Variants in MBOAT2 observed in about 807,000 individuals in gnomAD.
MBOAT2 encodes membrane-bound glycerophospholipid O-acyltransferase 2.
MBOAT2 carries 28 observed loss-of-function variants against 63.4 expected under a neutral mutation model. That is an observed-to-expected ratio of 0.44 (90% confidence interval 0.33 to 0.61). The LOEUF (loss-of-function observed/expected upper bound fraction) is 0.61, where lower values mean the gene tolerates loss of function less well. MBOAT2 is among the 20% of genes least tolerant of loss of function. MBOAT2 has a pLI of 0.03. For missense variants in MBOAT2, 470 were observed against 605.8 expected (o/e 0.78, Z 2.35); for synonymous variants, 211 against 215.6 (o/e 0.98, Z 0.19).
intron 4 of MBOAT2, among the ~76,000 whole-genome samples, chr2:8,903,430 G>A (rs1187601215): frequency 6.6e-6 from 1 of 152,088 alleles, no homozygotes; most frequent in Non-Finnish European, 1.5e-5. Flanking sequence ...GGTTCAGTTA[G>A]CTCTAAGATA....
intron 4 of MBOAT2, among the ~76,000 whole-genome samples, chr2:8,891,147 CT>C (rs1363542841): frequency 6.6e-6 from 1 of 152,228 alleles, no homozygotes; most frequent in African/African-American, 2.4e-5. Context: ...AACACATTCC[CT>C]TTGTTTTAAG....
chr2:8,934,459 A>G (rs1406023953), intron 3 of MBOAT2, among the ~76,000 whole-genome samples: 1 of 152,240 alleles, frequency 6.6e-6, no homozygotes, highest in Non-Finnish European at 1.5e-5. Context: ...GAGGCATCAC[A>G]CACAAACCTG....
At chr2:8,903,128 G>C (rs192828078) in intron 4 of MBOAT2, among the ~76,000 whole-genome samples, 187 of 152,232 alleles carry the variant, frequency 1.2e-3, no homozygotes, top group African/African-American at 4.0e-3. Context: ...GCGCTGACTG[G>C]TGCATTTACA....
At chr2:8,975,359 G>A (rs1339896109) in intron 1 of MBOAT2, among the ~76,000 whole-genome samples, 1 of 152,036 alleles carries the variant, frequency 6.6e-6, no homozygotes, top group Non-Finnish European at 1.5e-5. Context: ...TCACTCACTG[G>A]CCTGTGAGTC....
At chr2:8,959,069 G>A (rs547825009) in intron 1 of MBOAT2, among the ~76,000 whole-genome samples, 94 of 152,312 alleles carry the variant, frequency 6.2e-4, no homozygotes, top group African/African-American at 2.2e-3. Flanking sequence ...AGGGGTCAAT[G>A]TCCCCAAGTT....
At chr2:8,887,635 GT>G (rs1349369652) in intron 5 of MBOAT2, among the ~76,000 whole-genome samples, 1 of 152,192 alleles carries the variant, frequency 6.6e-6, no homozygotes, top group Non-Finnish European at 1.5e-5. Context: ...AATTATGAAT[GT>G]GTGTATATCA....
intron 3 of MBOAT2, among the ~76,000 whole-genome samples, chr2:8,925,888 T>C (rs140474307): frequency 6.6e-6 from 1 of 152,238 alleles, no homozygotes; most frequent in Admixed American, 6.5e-5. Flanking sequence ...TAACGGTACA[T>C]CTTACCATCA....
Position 8,862,690 on chromosome 2 carries a change from G to C in MBOAT2, c.1085C>G (p.Thr362Ser). The C allele has an allele frequency of 6.2e-7, 1 of 1,614,028 alleles. No homozygotes were observed. Among genetic ancestry groups the C allele is most frequent in the South Asian group, 1.1e-5 (1 of 91,058 alleles). The change falls in exon 11 of 13, where the codon ACT (threonine) becomes AGT (serine). Residue 362 changes from threonine (T) to serine (S), a missense_variant. By Grantham distance (58) the Thr-to-Ser change is moderately conservative. Coordinates refer to ENST00000305997, the MANE Select transcript of MBOAT2 (RefSeq NM_138799.4). The surrounding 1 kb of genome is among the most constrained non-coding windows in gnomAD (Gnocchi z 4.3). ...GGCAGAGAGAATGAACGTCTGGATA[G>C]TTGGACTGAAGGAGGTTCGTTCATA... ...VCYERTSFSP[T>S]IQTFILSAIW...
intron 7 of MBOAT2, among the ~76,000 whole-genome samples, chr2:8,874,986 G>C (rs1291992948): frequency 6.6e-6 from 1 of 152,198 alleles, no homozygotes; most frequent in Non-Finnish European, 1.5e-5. Flanking sequence ...CTGCTTACAG[G>C]TGAGCTGTCC....
Position 8,866,056 on chromosome 2 carries a change from T to C in MBOAT2, c.988-1822A>G, listed in dbSNP as rs1197842913. Among the ~76,000 whole-genome samples the C allele has an allele frequency of 3.3e-5, 5 of 152,000 alleles. No homozygotes were observed. In the South Asian group the frequency reaches 1.0e-3, roughly 32 times the overall value. On this transcript the variant is annotated intron_variant, in intron 9 of 12. Coordinates refer to ENST00000305997, the MANE Select transcript of MBOAT2 (RefSeq NM_138799.4). ...TGTCTCAAATAAATAAATAAATAAA[T>C]AAATAAAACCATAAATGATAAAGGC...
chr2:8,914,293 G>T (rs971342983), intron 3 of MBOAT2, among the ~76,000 whole-genome samples: 1 of 151,510 alleles, frequency 6.6e-6, no homozygotes. Flanking sequence ...AACAGAAAAC[G>T]AACAAACAAA....
chr2:8,943,179 A>G lies in MBOAT2; in HGVS notation c.299+8T>C. 1 of 1,503,784 alleles carries G rather than the reference A, an allele frequency of 6.6e-7. No homozygotes were observed. The highest frequency in any genetic ancestry group is 9.0e-7 in the Non-Finnish European group (1 of 1,108,606). 93.2% of individuals were successfully genotyped at this position (1,503,784 alleles called of 1,614,324 possible). On this transcript the variant is annotated splice_region_variant and intron_variant, in intron 3 of 12. Transcript: ENST00000305997. ...ATATATTTTCATGTGAACAAAGTGA[A>G]TACTTACTTGTGCATGTTCTCCACT...
At chr2:8,868,743 A>T (rs10194739) in intron 8 of MBOAT2, among the ~76,000 whole-genome samples, 194 bp from the exon 9 acceptor site, 43 of 152,270 alleles carry the variant, frequency 2.8e-4, no homozygotes, top group Non-Finnish European at 1.5e-5. Flanking sequence ...TCAGTAATAC[A>T]TGAGACATCA....
chr2:8,999,937 G>A (rs1226311495), intron 1 of MBOAT2, among the ~76,000 whole-genome samples: 2 of 152,204 alleles, frequency 1.3e-5, no homozygotes, highest in East Asian at 1.9e-4. Context: ...AAGCAACCCA[G>A]GAGTCTAAGG....
At chr2:8,934,848 T>C (rs1667551146) in intron 3 of MBOAT2, among the ~76,000 whole-genome samples, 1 of 152,208 alleles carries the variant, frequency 6.6e-6, no homozygotes, top group Non-Finnish European at 1.5e-5. Context: ...ATTAACTCCA[T>C]GAGGACACAT....
At chr2:9,001,937 C>G in intron 1 of MBOAT2, among the ~76,000 whole-genome samples, 1 of 152,112 alleles carries the variant, frequency 6.6e-6, no homozygotes, top group East Asian at 1.9e-4. Context: ...ATAAACCTAT[C>G]TCCCTTGCTC....
In MBOAT2 at chr2:8,863,056, A is replaced by T. The variant is rs535074335; in HGVS notation, c.1053-334T>A. Among the ~76,000 whole-genome samples the T allele has an allele frequency of 3.9e-4, 59 of 152,184 alleles. No homozygotes were observed. The South Asian group carries it at 5.8e-3, about 15-fold the overall frequency. ...GCTTTTATCCTACATTATTTTATTT[A>T]AAAAAAATCAATAACTTTCAACTGA... is the stretch of plus-strand genomic sequence containing the variant. On this transcript the variant is annotated intron_variant, in intron 10 of 12. Coordinates refer to ENST00000305997, the MANE Select transcript of MBOAT2 (RefSeq NM_138799.4).
intron 8 of MBOAT2, among the ~76,000 whole-genome samples, chr2:8,872,566 G>A (rs529410808): frequency 6.6e-6 from 1 of 152,246 alleles, no homozygotes; most frequent in South Asian, 2.1e-4. Flanking sequence ...ATAGGGGTGA[G>A]CCACCATAAC....
At chr2:8,897,226 CT>C (rs927795932) in intron 4 of MBOAT2, among the ~76,000 whole-genome samples, 1 of 136,520 alleles carries the variant, frequency 7.3e-6, no homozygotes, top group African/African-American at 3.4e-5. Context: ...TCTCTGTCTC[CT>C]TCTTTGTCTC....
Sources: allele counts gnomAD v4.1 joint callset (sites outside exome capture counted in the v4.1 genomes callset), GRCh38; gene constraint gnomAD v4.1.1; non-coding constraint Gnocchi (gnomAD v3.1); transcripts MANE v1.5; gene names NCBI Gene and HGNC (gene_info 2026-07-23, HGNC 2026-07-21).